The following YAP1 variants were observed in gnomAD, a reference collection of about 807,000 sequenced individuals.
YAP1 encodes transcriptional coactivator YAP1.
YAP1 carries 5 observed loss-of-function variants against 56.9 expected under a neutral mutation model. The ratio of observed to expected loss-of-function variants is 0.09; its 90% CI spans 0.05 to 0.18. The LOEUF is 0.18. Among genes scored for constraint, YAP1 ranks in the 10% least tolerant of loss-of-function variants. The pLI, the probability that YAP1 is intolerant of heterozygous loss-of-function variation, is 1.00. For synonymous variants in YAP1, 265 were observed against 248.1 expected (o/e 1.07, Z -0.64); for missense variants, 539 against 651.8 (o/e 0.83, Z 1.88).
rs1330003594 is a variant in YAP1 at position 102,233,378 on chromosome 11, TTTTG to T, written c.*3446_*3449del. 2.7e-4 allele frequency: 41 copies of T among 152,342 alleles called. No individual in the cohort carries two copies. The highest frequency in any genetic ancestry group is 2.5e-3 in the Admixed American group (38 of 15,302). 9.4% of individuals were successfully genotyped at this position (152,342 alleles called of 1,614,324 possible). On this transcript the variant is annotated 3_prime_UTR_variant, in exon 9 of 9. Transcript: ENST00000282441. Reference sequence around the variant, plus strand: ...CATTATTTTTTCTTATGTAATACCTTTTTGTTTGTTTATGTGGTTCAAATATATT... The same window carrying T: ...CATTATTTTTTCTTATGTAATACCTTTTTGTTTATGTGGTTCAAATATATT...
At chr11:102,181,707 A>G (rs1021700535) in intron 3 of YAP1, among the ~76,000 whole-genome samples, 4 of 152,240 alleles carry the variant, frequency 2.6e-5, no homozygotes, top group African/African-American at 7.2e-5. Flanking sequence ...CCAGACCTGC[A>G]TAGATTGATC....
At chr11:102,149,977 C>CTTTTTTTT (rs386374692) in intron 2 of YAP1, among the ~76,000 whole-genome samples, 3 of 50,336 alleles carry the variant, frequency 6.0e-5, no homozygotes, top group African/African-American at 2.2e-4. Context: ...GAGTAGTGTG[C>CTTTTTTTT]TTTTTTTTTT....
At chr11:102,115,573 C>T (rs1405800977) in intron 2 of YAP1, among the ~76,000 whole-genome samples, 1 of 150,930 alleles carries the variant, frequency 6.6e-6, no homozygotes, top group Non-Finnish European at 1.5e-5. Context: ...TGCCCCCTTT[C>T]CTGCAACTTT....
intron 4 of YAP1, among the ~76,000 whole-genome samples, chr11:102,189,982 A>G (rs1001019204): frequency 6.6e-6 from 1 of 152,206 alleles, no homozygotes; most frequent in African/African-American, 2.4e-5. Flanking sequence ...AAATGCACCT[A>G]ACAACCAACT....
At chr11:102,161,963 G>A (rs1330537254) in intron 2 of YAP1, among the ~76,000 whole-genome samples, 1 of 152,176 alleles carries the variant, frequency 6.6e-6, no homozygotes, top group East Asian at 1.9e-4. Flanking sequence ...GAAGTTTAAA[G>A]TTCTGCTTTG....
intron 5 of YAP1, 42 bp downstream of exon 5, chr11:102,206,116 T>G (rs1591416686): frequency 6.3e-7 from 1 of 1,575,732 alleles, no homozygotes; most frequent in East Asian, 2.3e-5. Context: ...CTTTTGGGGG[T>G]TTGTTTTCTT....
At chr11:102,147,803 A>G (rs984144278) in intron 2 of YAP1, among the ~76,000 whole-genome samples, 3 of 152,134 alleles carry the variant, frequency 2.0e-5, no homozygotes, top group Non-Finnish European at 2.9e-5. Context: ...GTTATTTTCA[A>G]CAGCTTTTAC....
intron 2 of YAP1, among the ~76,000 whole-genome samples, chr11:102,138,647 T>C (rs1163175952): frequency 1.3e-5 from 2 of 152,222 alleles, no homozygotes; most frequent in Non-Finnish European, 2.9e-5. Context: ...AATTACTTTG[T>C]TGCTTTCTCT....
At chr11:102,181,846 G>A (rs1042774215) in intron 3 of YAP1, among the ~76,000 whole-genome samples, 2 of 152,126 alleles carry the variant, frequency 1.3e-5, no homozygotes, top group African/African-American at 2.4e-5. Context: ...TTTTGAGACG[G>A]AGTCTCACCC....
At chr11:102,180,324 A>G (rs907802917) in intron 3 of YAP1, among the ~76,000 whole-genome samples, 1 of 152,160 alleles carries the variant, frequency 6.6e-6, no homozygotes, top group Non-Finnish European at 1.5e-5. Context: ...TGGAAAATGC[A>G]AAATATATAC....
Position 102,114,331 on chromosome 11 carries a change from A to G in YAP1, c.509A>G (p.Asp170Gly), listed in dbSNP as rs1415602327. The change falls in exon 2 of 9, where the codon GAT becomes GGT. Residue 170 changes from aspartate to glycine, a missense_variant. By Grantham distance (94) the Asp-to-Gly change is moderately conservative. Transcript: ENST00000282441. ...LRQSSFEIPD[D>G]VPLPAGWEMA... is the part of the protein sequence containing the mutation. The stretch of plus-strand genomic sequence containing the variant: ...CAGTCTTCTTTTGAGATACCTGATG[A>G]TGTACCTCTGCCAGCAGGTTGGGAG... The G allele has an allele frequency of 1.2e-6, 2 of 1,614,160 alleles. No homozygotes were observed. Among genetic ancestry groups the G allele is most frequent in the East Asian group, 4.5e-5 (2 of 44,882 alleles).
At chr11:102,172,701 T>C (rs1415076896) in intron 3 of YAP1, among the ~76,000 whole-genome samples, 1 of 152,054 alleles carries the variant, frequency 6.6e-6, no homozygotes, top group African/African-American at 2.4e-5. Flanking sequence ...GAGTCAGATA[T>C]TAAAAGTGGA....
intron 2 of YAP1, among the ~76,000 whole-genome samples, chr11:102,121,521 A>G (rs372171997): frequency 3.3e-5 from 5 of 152,216 alleles, no homozygotes; most frequent in East Asian, 1.9e-4. Context: ...CAATCCTGCA[A>G]TCTTGTGCTG....
intron 3 of YAP1, among the ~76,000 whole-genome samples, chr11:102,170,553 C>CAACA (rs1305974310): frequency 6.6e-6 from 1 of 152,158 alleles, no homozygotes; most frequent in Non-Finnish European, 1.5e-5. Flanking sequence ...AAACTCAAGA[C>CAACA]TGTTGAGTGC....
chr11:102,181,463 TAAATA>T (rs751763876), intron 3 of YAP1, among the ~76,000 whole-genome samples: 17 of 151,838 alleles, frequency 1.1e-4, no homozygotes, highest in African/African-American at 2.9e-4. Flanking sequence ...AATAAATAAA[TAAATA>T]AAATAAAATA....
intron 3 of YAP1, among the ~76,000 whole-genome samples, chr11:102,182,138 C>T (rs553172751): frequency 6.6e-6 from 1 of 152,220 alleles, no homozygotes; most frequent in African/African-American, 2.4e-5. Context: ...TGTTTTAAAT[C>T]AGTGGTTCCT....
At chr11:102,160,104 A>G (rs1459800538) in intron 2 of YAP1, among the ~76,000 whole-genome samples, 1 of 148,526 alleles carries the variant, frequency 6.7e-6, no homozygotes, top group African/African-American at 2.5e-5. Flanking sequence ...GCTCATCGCA[A>G]CCTCTGCCCC....
chr11:102,213,911 C>T (rs1389649661), intron 6 of YAP1, among the ~76,000 whole-genome samples: 1 of 152,116 alleles, frequency 6.6e-6, no homozygotes, highest in East Asian at 1.9e-4. Context: ...AAGTCCATCT[C>T]TACTAAAAAC....
In YAP1 at chr11:102,220,309, A is replaced by C. The variant is rs369117712; in HGVS notation, c.1033-3313A>C. Among the ~76,000 whole-genome samples, 4 of 152,254 alleles carry C rather than the reference A, an allele frequency of 2.6e-5. No homozygotes were observed. The East Asian group carries it at 7.8e-4, about 30-fold the overall frequency. On this transcript the variant is annotated intron_variant, in intron 6 of 8. Coordinates refer to ENST00000282441, the MANE Select transcript of YAP1 (RefSeq NM_001130145.3). ...ATGAGGATGTGAAAAACAACTGACC[A>C]AGAACAAAACAAAACAAAAAAACCA...
Sources: allele counts gnomAD v4.1 joint callset (sites outside exome capture counted in the v4.1 genomes callset), GRCh38; gene constraint gnomAD v4.1.1; transcripts MANE v1.5; gene names NCBI Gene and HGNC (gene_info 2026-07-23, HGNC 2026-07-21).